The following EYS variants were observed in gnomAD, a reference collection of about 807,000 sequenced individuals.
EYS encodes the protein EGF-like photoreceptor maintenance factor.
In EYS, 250 loss-of-function variants were observed where a neutral mutation model predicts 282.1. The ratio of observed to expected loss-of-function variants is 0.89; its 90% CI spans 0.80 to 0.98. The LOEUF (loss-of-function observed/expected upper bound fraction) is 0.98, where lower values mean the gene tolerates loss of function less well. Among genes scored for constraint, EYS ranks in the 50% least tolerant of loss-of-function variants. The probability of loss-of-function intolerance (pLI) is 0.00; values close to 1 mark genes in which losing one functional copy is unlikely to be tolerated. For synonymous variants in EYS, 1,355 were observed against 1,282.9 expected (o/e 1.06, Z -1.20); for missense variants, 4,016 against 3,709.0 (o/e 1.08, Z -2.15).
At chr6:63,881,355 G>A (rs1562076577) in intron 35 of EYS, among the ~76,000 whole-genome samples, 1 of 152,174 alleles carries the variant, frequency 6.6e-6, no homozygotes, top group Non-Finnish European at 1.5e-5. Flanking sequence ...TACCTATTGG[G>A]TTCAGAAAAA....
intron 31 of EYS, among the ~76,000 whole-genome samples, chr6:64,105,056 CAGA>C (rs1179515537): frequency 6.6e-6 from 1 of 150,428 alleles, no homozygotes. Context: ...CGGGGAGAGA[CAGA>C]AGATGAAAGA....
chr6:64,111,964 G>A (rs1230627541), intron 31 of EYS, among the ~76,000 whole-genome samples: 1 of 151,978 alleles, frequency 6.6e-6, no homozygotes, highest in African/African-American at 2.4e-5. Flanking sequence ...TGCTCATAAG[G>A]ACAGATATTT....
intron 2 of EYS, among the ~76,000 whole-genome samples, chr6:65,496,337 A>G (rs1444131038): frequency 6.6e-6 from 1 of 152,144 alleles, no homozygotes; most frequent in Admixed American, 6.6e-5. Context: ...TCCAGAGGGC[A>G]AGAAAACATA....
intron 30 of EYS, 99 bp from the exon 31 acceptor site, chr6:64,230,923 A>C: frequency 1.5e-6 from 1 of 649,608 alleles, no homozygotes; most frequent in Non-Finnish European, 2.6e-6. Flanking sequence ...AGAGAAAATG[A>C]AACCAATACT....
chr6:65,577,288 T>C (rs1051184984), intron 2 of EYS, among the ~76,000 whole-genome samples: 4 of 151,878 alleles, frequency 2.6e-5, no homozygotes, highest in African/African-American at 9.7e-5. Context: ...CATGCATTTA[T>C]GGTAAATTTA....
At chr6:64,945,124 T>TAAAAAAA (rs763133866) in intron 15 of EYS, among the ~76,000 whole-genome samples, 1 of 112,290 alleles carries the variant, frequency 8.9e-6, no homozygotes, top group Non-Finnish European at 1.8e-5. Context: ...GTTTCTCTAT[T>TAAAAAAA]AAAAAAAAAA....
rs144597255 is a variant in EYS at position 64,487,043 on chromosome 6, A to C, written c.5645-47691T>G. Among the ~76,000 whole-genome samples the C allele has an allele frequency of 6.7e-3, 1,018 of 151,408 alleles. 8 individuals are homozygous for C. The highest frequency in any genetic ancestry group is 0.012 in the Non-Finnish European group (798 of 67,484). On this transcript the variant is annotated intron_variant, in intron 26 of 42. Coordinates refer to ENST00000503581, the MANE Select transcript of EYS (RefSeq NM_001142800.2). ...TTTTTTCCTCATACACCATCATTAT[A>C]GTACAGGTAAAAAGGAATGCAAAGA...
chr6:64,858,306 G>A (rs187841294), intron 19 of EYS, among the ~76,000 whole-genome samples: 9 of 152,180 alleles, frequency 5.9e-5, no homozygotes, highest in African/African-American at 1.2e-4. Flanking sequence ...AATATCATTC[G>A]TGTGTCTGGA....
At chr6:65,399,154 G>C (rs1195892256) in intron 7 of EYS, among the ~76,000 whole-genome samples, 3 of 152,014 alleles carry the variant, frequency 2.0e-5, no homozygotes, top group Non-Finnish European at 4.4e-5. Flanking sequence ...TAATAAAATT[G>C]AGTCAGAGTG....
At chr6:64,115,184 T>C (rs1281009901) in intron 31 of EYS, among the ~76,000 whole-genome samples, 4 of 152,292 alleles carry the variant, frequency 2.6e-5, no homozygotes, top group South Asian at 2.1e-4. Context: ...CACATGAGTA[T>C]GTCCCAGATC....
At chr6:65,516,989 T>A (rs13208352) in intron 2 of EYS, among the ~76,000 whole-genome samples, 16,897 of 151,964 alleles carry the variant, frequency 0.11, 1,020 homozygotes, top group South Asian at 0.18. Flanking sequence ...AAAATGATAA[T>A]AAAAATACTA....
chr6:64,278,681 T>A (rs532566451), intron 30 of EYS, among the ~76,000 whole-genome samples: 9 of 152,250 alleles, frequency 5.9e-5, no homozygotes, highest in Admixed American at 3.9e-4. Flanking sequence ...GTTTTTAACA[T>A]TGTTAGAAGG....
intron 32 of EYS, among the ~76,000 whole-genome samples, chr6:64,071,255 T>G (rs998317022): frequency 6.6e-6 from 1 of 152,050 alleles, no homozygotes; most frequent in Non-Finnish European, 1.5e-5. Flanking sequence ...TTTAGCTTAC[T>G]CATCCAGGTT....
intron 26 of EYS, among the ~76,000 whole-genome samples, chr6:64,440,468 T>A (rs1440668385): frequency 6.6e-6 from 1 of 152,008 alleles, no homozygotes; most frequent in African/African-American, 2.4e-5. Context: ...TGAGTATATG[T>A]GTGTGTGTTT....
chr6:63,871,712 C>A (rs2149712908), intron 35 of EYS, among the ~76,000 whole-genome samples: 1 of 152,138 alleles, frequency 6.6e-6, no homozygotes, highest in African/African-American at 2.4e-5. Context: ...CAAATCTACC[C>A]TTTATAATCC....
intron 19 of EYS, among the ~76,000 whole-genome samples, chr6:64,855,130 ACT>A (rs1332382445): frequency 6.6e-6 from 1 of 150,860 alleles, no homozygotes; most frequent in Non-Finnish European, 1.5e-5. Flanking sequence ...TTTATTTAGC[ACT>A]CTGTCTCTCC....
chr6:65,376,418 A>G (rs1168976575), intron 8 of EYS, among the ~76,000 whole-genome samples: 2 of 152,222 alleles, frequency 1.3e-5, no homozygotes, highest in Non-Finnish European at 2.9e-5. Flanking sequence ...GCCACTGCAA[A>G]AACATACTAA....
intron 26 of EYS, among the ~76,000 whole-genome samples, chr6:64,443,870 C>T (rs866798325): frequency 6.6e-6 from 1 of 152,124 alleles, no homozygotes; most frequent in South Asian, 2.1e-4. Flanking sequence ...CAGTTATGAC[C>T]TCATCAGCAG....
chr6:65,337,545 T>C (rs1770035053), intron 10 of EYS, among the ~76,000 whole-genome samples: 1 of 151,198 alleles, frequency 6.6e-6, no homozygotes, highest in Non-Finnish European at 1.5e-5. Context: ...CTACAGGTAG[T>C]TTAGCTTCCT....
Sources: allele counts gnomAD v4.1 joint callset (sites outside exome capture counted in the v4.1 genomes callset), GRCh38; gene constraint gnomAD v4.1.1; transcripts MANE v1.5; gene names NCBI Gene and HGNC (gene_info 2026-07-23, HGNC 2026-07-21).